Variants in AFG2A observed in about 807,000 individuals in gnomAD.
The protein encoded by AFG2A is ATPase family gene 2 protein homolog A.
At chr4:123,301,083 AC>A in the AFG2A span, among the ~76,000 whole-genome samples, 3 of 152,004 alleles carry the variant, frequency 2.0e-5, no homozygotes, top group Admixed American at 2.0e-4. Flanking sequence ...GTGATTCCTA[AC>A]CCCTTTTTGG....
At chr4:123,074,336 C>G in the AFG2A span, among the ~76,000 whole-genome samples, 3 of 151,848 alleles carry the variant, frequency 2.0e-5, no homozygotes, top group African/African-American at 7.2e-5. Flanking sequence ...CTCAGGTGAT[C>G]CATCCATCTT....
chr4:123,213,925 A>T, the AFG2A span, among the ~76,000 whole-genome samples: 6 of 152,200 alleles, frequency 3.9e-5, no homozygotes, highest in East Asian at 1.2e-3. Context: ...CTTTCTCTTA[A>T]AAATAATCTT....
the AFG2A span, among the ~76,000 whole-genome samples, chr4:122,971,493 T>C: frequency 1.3e-5 from 2 of 152,254 alleles, no homozygotes; most frequent in Admixed American, 6.5e-5. Flanking sequence ...TAGTTTTCTA[T>C]GTATACATTT....
the AFG2A span, among the ~76,000 whole-genome samples, chr4:123,276,846 G>A: frequency 6.6e-6 from 1 of 152,084 alleles, no homozygotes; most frequent in Non-Finnish European, 1.5e-5. Context: ...CTATGTTTCT[G>A]TTTTTGTACC....
the AFG2A span, among the ~76,000 whole-genome samples, chr4:123,236,288 C>T: frequency 9.2e-5 from 14 of 152,118 alleles, no homozygotes; most frequent in Non-Finnish European, 1.6e-4. Flanking sequence ...ACCCATAAGC[C>T]ACTGTGTCAT....
At chr4:122,957,687 T>G in the AFG2A span, among the ~76,000 whole-genome samples, 1 of 152,218 alleles carries the variant, frequency 6.6e-6, no homozygotes, top group Admixed American at 6.5e-5. Flanking sequence ...CTCTCAGTCC[T>G]TTGAAATAAC....
At chr4:123,008,397 C>G in the AFG2A span, among the ~76,000 whole-genome samples, 1 of 152,144 alleles carries the variant, frequency 6.6e-6, no homozygotes, top group African/African-American at 2.4e-5. Flanking sequence ...TATTGGGGAT[C>G]AAATTTCAGT....
chr4:123,314,685 A>T, the AFG2A span: 3 of 151,764 alleles, frequency 2.0e-5, no homozygotes, highest in Non-Finnish European at 4.4e-5. Flanking sequence ...GTATAATACA[A>T]TGCCCTTTGA....
chr4:123,038,890 G>A, the AFG2A span, among the ~76,000 whole-genome samples: 1 of 152,004 alleles, frequency 6.6e-6, no homozygotes, highest in African/African-American at 2.4e-5. Context: ...CCTTTCTGTG[G>A]CAGTGGAGTG....
the AFG2A span, among the ~76,000 whole-genome samples, chr4:123,245,971 A>G: frequency 2.6e-5 from 4 of 152,040 alleles, no homozygotes; most frequent in Non-Finnish European, 5.9e-5. Flanking sequence ...GACTCCCACA[A>G]CTTTTTCAGC....
At chr4:123,284,602 T>C in the AFG2A span, among the ~76,000 whole-genome samples, 5 of 152,210 alleles carry the variant, frequency 3.3e-5, no homozygotes, top group Non-Finnish European at 7.4e-5. Context: ...TATTTGACAA[T>C]GGAGAAGTTC....
chr4:123,189,743 C>A, the AFG2A span, among the ~76,000 whole-genome samples: 1 of 149,488 alleles, frequency 6.7e-6, no homozygotes, highest in African/African-American at 2.5e-5. Context: ...GCCACTTTTG[C>A]ATAGATTAAT....
chr4:123,013,981 TTTC>T, the AFG2A span, among the ~76,000 whole-genome samples: 1 of 152,196 alleles, frequency 6.6e-6, no homozygotes, highest in African/African-American at 2.4e-5. Flanking sequence ...TTAAAAATGA[TTTC>T]TTCTAGTTTT....
chr4:123,162,742 TG>T, the AFG2A span, among the ~76,000 whole-genome samples: 1 of 152,260 alleles, frequency 6.6e-6, no homozygotes, highest in South Asian at 2.1e-4. Context: ...TGAAGAGCTG[TG>T]GGTTGACATC....
chr4:123,004,012 G>A, the AFG2A span, among the ~76,000 whole-genome samples: 2 of 152,170 alleles, frequency 1.3e-5, no homozygotes, highest in South Asian at 4.1e-4. Flanking sequence ...CTGAGCAATG[G>A]CAGGCGCCCC....
the AFG2A span, among the ~76,000 whole-genome samples, chr4:123,248,819 C>T: frequency 6.6e-6 from 1 of 152,124 alleles, no homozygotes; most frequent in Admixed American, 6.6e-5. Flanking sequence ...ATTCAAAGAA[C>T]ATTAACATCT....
chr4:123,317,782 G>A, the AFG2A span: 1 of 152,132 alleles, frequency 6.6e-6, no homozygotes, highest in Non-Finnish European at 1.5e-5. Flanking sequence ...TATGAAATAG[G>A]GATGAAACAT....
chr4:123,268,458 A>C, the AFG2A span, among the ~76,000 whole-genome samples: 1 of 152,234 alleles, frequency 6.6e-6, no homozygotes, highest in African/African-American at 2.4e-5. Flanking sequence ...AGAGAAAACT[A>C]TCAAGACTTC....
the AFG2A span, among the ~76,000 whole-genome samples, chr4:123,149,425 T>A: frequency 1.2e-4 from 19 of 152,218 alleles, no homozygotes; most frequent in Non-Finnish European, 2.4e-4. Flanking sequence ...GGGGTTTAGC[T>A]GTCTATAATA....
Sources: allele counts gnomAD v4.1 joint callset (sites outside exome capture counted in the v4.1 genomes callset), GRCh38; gene constraint gnomAD v4.1.1; transcripts MANE v1.5; gene names NCBI Gene and HGNC (gene_info 2026-07-23, HGNC 2026-07-21).